ITPKB: variants seen among roughly 807,000 people sequenced by gnomAD.
ITPKB encodes IP3 3-kinase B.
A neutral mutation model predicts 69.4 loss-of-function variants in ITPKB; 13 were observed. The ratio of observed to expected loss-of-function variants is 0.19; its 90% CI spans 0.12 to 0.30. ITPKB has a LOEUF of 0.30. ITPKB is among the 10% of genes least tolerant of loss of function. The pLI is 1.00. For synonymous variants in ITPKB, 584 were observed against 513.7 expected, an observed-to-expected ratio of 1.14 and a Z score of -1.85; for missense variants, 1,240 against 1,250.5, an observed-to-expected ratio of 0.99 and a Z score of 0.13.
At chr1:226,636,508 C>A (rs1372129821) in intron 7 of ITPKB, among the ~76,000 whole-genome samples, 1 of 152,226 alleles carries the variant, frequency 6.6e-6, no homozygotes, top group African/African-American at 2.4e-5. Context: ...GAAAGATGCA[C>A]CGCCCTGCTG....
intron 2 of ITPKB, among the ~76,000 whole-genome samples, chr1:226,701,296 A>T (rs1656630063): frequency 6.6e-6 from 1 of 152,174 alleles, no homozygotes; most frequent in African/African-American, 2.4e-5. Context: ...TCTTCCTAAC[A>T]ACAGTCCTAC....
At chr1:226,719,418 C>T (rs1025420499) in intron 2 of ITPKB, among the ~76,000 whole-genome samples, 2 of 152,184 alleles carry the variant, frequency 1.3e-5, no homozygotes, top group African/African-American at 4.8e-5. Flanking sequence ...ATGGCCTTTA[C>T]GATGGAGGCC....
chr1:226,673,392 G>C (rs936431349), intron 2 of ITPKB, among the ~76,000 whole-genome samples: 43 of 152,226 alleles, frequency 2.8e-4, no homozygotes, highest in African/African-American at 9.1e-4. Context: ...AATAAAACAG[G>C]GATGAACTGG....
intron 2 of ITPKB, among the ~76,000 whole-genome samples, chr1:226,729,670 C>T (rs1194336379): frequency 6.6e-6 from 1 of 151,782 alleles, no homozygotes; most frequent in African/African-American, 2.4e-5. Context: ...CCTCCAACTC[C>T]TGGGTTCAAG....
In ITPKB at chr1:226,641,704, C is replaced by A. The variant is rs1020193305; in HGVS notation, c.2451+217G>T. Reference sequence around the variant, plus strand: ...GCAGAGGGCTGACAGCTGGGCAGGGCTAGAAGCCACTCTGCTCTGAGGCCT... The same window carrying A: ...GCAGAGGGCTGACAGCTGGGCAGGGATAGAAGCCACTCTGCTCTGAGGCCT... On this transcript the variant is annotated intron_variant, in intron 5 of 7. Coordinates refer to ENST00000429204, the MANE Select transcript of ITPKB (RefSeq NM_002221.4). The surrounding 1 kb of genome is among the most constrained non-coding windows in gnomAD (Gnocchi z 4.6). Among the ~76,000 whole-genome samples the A allele has an allele frequency of 1.2e-4, 19 of 152,278 alleles. No individual in the cohort carries two copies. Among genetic ancestry groups the A allele is most frequent in the African/African-American group, 4.3e-4 (18 of 41,478 alleles).
In ITPKB at chr1:226,736,736, A is replaced by C; in HGVS notation, c.723T>G (p.Ala241=). 1 of 1,612,792 alleles carries C rather than the reference A, an allele frequency of 6.2e-7. No homozygotes were observed. ...KKGMPPLPGR[A]APTGSEAQGP... ...CCTGAGCCTCTGATCCTGTAGGGGC[A>C]GCCCGGCCGGGAAGAGGTGGCATTC... The change falls in exon 2 of 8, where the codon GCT becomes GCG. Residue 241 remains alanine, a synonymous_variant. Coordinates refer to ENST00000429204, the MANE Select transcript of ITPKB (RefSeq NM_002221.4).
chr1:226,659,355 A>G (rs1438536876), intron 2 of ITPKB, among the ~76,000 whole-genome samples: 6 of 152,094 alleles, frequency 3.9e-5, no homozygotes, highest in South Asian at 4.2e-4. Flanking sequence ...CTGACCACCC[A>G]TAAGAGGGAG....
chr1:226,724,106 G>A (rs1289547941), intron 2 of ITPKB, among the ~76,000 whole-genome samples: 1 of 152,022 alleles, frequency 6.6e-6, no homozygotes, highest in Non-Finnish European at 1.5e-5. Context: ...CATCTTCACA[G>A]CACCCCCTGA....
rs551061833 is a variant in ITPKB at position 226,673,109 on chromosome 1, T to C, written c.1933-24338A>G. 2.0e-5 allele frequency among the ~76,000 whole-genome samples: 3 copies of C among 152,100 alleles called. No individual in the cohort carries two copies. The South Asian group carries it at 6.2e-4, about 32-fold the overall frequency. The stretch of plus-strand genomic sequence containing the variant: ...GGGATGGGCCGGATGCAGTAGCTCA[T>C]GCCTGTAATCCCAACACTTTGGGAG... On this transcript the variant is annotated intron_variant, in intron 2 of 7. Coordinates refer to ENST00000429204, the MANE Select transcript of ITPKB (RefSeq NM_002221.4).
At chr1:226,726,699 G>A (rs202024689) in intron 2 of ITPKB, among the ~76,000 whole-genome samples, 1 of 149,566 alleles carries the variant, frequency 6.7e-6, no homozygotes, top group African/African-American at 2.5e-5. Flanking sequence ...TTTTTTTTTT[G>A]TAAAAGAAAA....
intron 4 of ITPKB, among the ~76,000 whole-genome samples, chr1:226,643,480 G>A (rs1033249267): frequency 5.3e-5 from 8 of 152,202 alleles, no homozygotes; most frequent in Non-Finnish European, 1.2e-4. Flanking sequence ...CAGAGGCCCC[G>A]CCCGCCTGCC....
At position 226,736,599 on chromosome 1, in the gene ITPKB, C is replaced by G. The variant is rs763066529; in HGVS notation, c.860G>C (p.Ser287Thr). 6.2e-7 allele frequency: 1 copy of G among 1,613,844 alleles called. No individual in the cohort carries two copies. Among genetic ancestry groups the G allele is most frequent in the Non-Finnish European group, 8.5e-7 (1 of 1,180,008 alleles). ...CAGCCCCAATGAGGGAGCTAGGCAGCTCCGAGTTCCCGGGGTAGGAGAGCC... is the reference window on the plus strand; with the variant it reads ...CAGCCCCAATGAGGGAGCTAGGCAGGTCCGAGTTCCCGGGGTAGGAGAGCC... The part of the protein sequence containing the change: ...KRGSPTPGTR[S>T]CLAPSLGLFG... The change falls in exon 2 of 8, where the codon AGC becomes ACC. Residue 287 changes from serine to threonine, a missense_variant. Transcript: ENST00000429204.
chr1:226,729,897 GT>G (rs1219218644), intron 2 of ITPKB, among the ~76,000 whole-genome samples: 3 of 152,036 alleles, frequency 2.0e-5, no homozygotes, highest in Non-Finnish European at 2.9e-5. Flanking sequence ...ACCTGGCCTA[GT>G]TTTTGTTATT....
intron 2 of ITPKB, among the ~76,000 whole-genome samples, chr1:226,673,620 G>T (rs540085511): frequency 6.6e-6 from 1 of 152,300 alleles, no homozygotes; most frequent in South Asian, 2.1e-4. Flanking sequence ...TCTTTGACAG[G>T]TCTTCTGAAG....
At chr1:226,707,794 C>A (rs1264703324) in intron 2 of ITPKB, 1 of 1,088,390 alleles carries the variant, frequency 9.2e-7, no homozygotes, top group African/African-American at 1.7e-5. Flanking sequence ...TTACAGATGA[C>A]CCCGTAATTG....
At chr1:226,683,558 G>A (rs78032382) in intron 2 of ITPKB, among the ~76,000 whole-genome samples, 3 of 152,130 alleles carry the variant, frequency 2.0e-5, no homozygotes, top group East Asian at 3.9e-4. Flanking sequence ...GCCTACCCAT[G>A]TCAAAGGCCC....
At chr1:226,651,042 G>GT (rs1669181573) in intron 2 of ITPKB, among the ~76,000 whole-genome samples, 4 of 152,216 alleles carry the variant, frequency 2.6e-5, no homozygotes, top group African/African-American at 9.7e-5. Context: ...TGGAGGAAGG[G>GT]TCCCAGGACC....
intron 2 of ITPKB, chr1:226,707,799 T>C: frequency 9.1e-7 from 1 of 1,098,872 alleles, no homozygotes. Flanking sequence ...GATGACCCCG[T>C]AATTGGCTCA....
At chr1:226,720,835 C>T (rs947386442) in intron 2 of ITPKB, among the ~76,000 whole-genome samples, 10 of 146,890 alleles carry the variant, frequency 6.8e-5, no homozygotes, top group East Asian at 6.2e-4. Context: ...GCAGATCACG[C>T]GGTTCAAGAT....
Sources: gnomAD v4.1 joint callset for allele counts (sites outside exome capture counted in the v4.1 genomes callset) on GRCh38, gnomAD v4.1.1 for gene constraint, Gnocchi (gnomAD v3.1) non-coding constraint, MANE v1.5 for transcripts, NCBI Gene and HGNC (gene_info 2026-07-23, HGNC 2026-07-21) for gene names.